Variants in SLC14A2 observed in about 807,000 individuals in gnomAD.
SLC14A2 encodes solute carrier family 14 member 2.
A neutral mutation model predicts 104.6 loss-of-function variants in SLC14A2; 91 were observed. The ratio of observed to expected loss-of-function variants is 0.87; its 90% CI spans 0.73 to 1.04. The LOEUF is 1.04. SLC14A2 is among the 50% of genes least tolerant of loss of function. The pLI, the probability that SLC14A2 is intolerant of heterozygous loss-of-function variation, is 0.00. For synonymous variants in SLC14A2, 476 were observed against 466.4 expected (o/e 1.02, Z -0.27); for missense variants, 1,189 against 1,156.0 (o/e 1.03, Z -0.41).
At chr18:45,453,985 G>A (rs767474934) in intron 1 of SLC14A2, among the ~76,000 whole-genome samples, 10 of 150,842 alleles carry the variant, frequency 6.6e-5, no homozygotes, top group Non-Finnish European at 1.3e-4. Context: ...TCAGCCTCCC[G>A]AGTAGCTGGG....
intron 1 of SLC14A2, among the ~76,000 whole-genome samples, chr18:45,338,278 G>A (rs1415718798): frequency 6.6e-6 from 1 of 152,032 alleles, no homozygotes; most frequent in East Asian, 1.9e-4. Flanking sequence ...TTGGCTCACT[G>A]CAAGCTCCGC....
intron 14 of SLC14A2, 107 bp downstream of exon 14, chr18:45,668,129 CAACT>C: frequency 8.3e-7 from 1 of 1,211,116 alleles, no homozygotes; most frequent in Non-Finnish European, 1.2e-6. Flanking sequence ...AGGACACTGA[CAACT>C]AAAAATGACT....
At chr18:45,462,704 C>T (rs1439167755) in intron 1 of SLC14A2, among the ~76,000 whole-genome samples, 6 of 152,140 alleles carry the variant, frequency 3.9e-5, no homozygotes, top group South Asian at 4.1e-4. Flanking sequence ...TGGAAACAGG[C>T]GGCTTGACAC....
intron 1 of SLC14A2, among the ~76,000 whole-genome samples, chr18:45,250,460 T>C (rs2084409747): frequency 6.6e-6 from 1 of 152,178 alleles, no homozygotes; most frequent in South Asian, 2.1e-4. Context: ...TTTGTTCTCT[T>C]TTTTCTCTCC....
chr18:45,177,486 C>T, the SLC14A2 span, among the ~76,000 whole-genome samples: 5 of 152,138 alleles, frequency 3.3e-5, no homozygotes, highest in South Asian at 4.1e-4. Flanking sequence ...TTTTATACAT[C>T]GTGTTCCAGC....
At chr18:45,677,010 C>T (rs1291486116) in intron 18 of SLC14A2, among the ~76,000 whole-genome samples, 1 of 152,192 alleles carries the variant, frequency 6.6e-6, no homozygotes, top group Non-Finnish European at 1.5e-5. Context: ...GGCCAGGTGG[C>T]CAGGCATCCT....
chr18:45,562,311 G>C (rs2044211387), intron 2 of SLC14A2, among the ~76,000 whole-genome samples: 1 of 152,250 alleles, frequency 6.6e-6, no homozygotes, highest in Non-Finnish European at 1.5e-5. Flanking sequence ...CAGTTGACCT[G>C]ATAGAGAAGA....
At chr18:45,644,978 C>G (rs1472865671) in intron 10 of SLC14A2, among the ~76,000 whole-genome samples, 1 of 152,142 alleles carries the variant, frequency 6.6e-6, no homozygotes, top group East Asian at 1.9e-4. Context: ...TTAAGCCCCA[C>G]GTGCATTAGG....
intron 8 of SLC14A2, 47 bp from the exon 9 acceptor site, chr18:45,643,085 G>C (rs753179660): frequency 6.3e-7 from 1 of 1,596,134 alleles, no homozygotes; most frequent in South Asian, 1.1e-5. Flanking sequence ...GTGGCTTAGG[G>C]GGAAGGCCCT....
At chr18:45,169,429 TACTC>T in the SLC14A2 span, among the ~76,000 whole-genome samples, 1 of 152,188 alleles carries the variant, frequency 6.6e-6, no homozygotes, top group African/African-American at 2.4e-5. Context: ...TGCCAGCTCT[TACTC>T]AGTGCTTTCC....
chr18:45,592,368 T>C (rs1294020876), intron 2 of SLC14A2, among the ~76,000 whole-genome samples: 1 of 152,200 alleles, frequency 6.6e-6, no homozygotes, highest in Non-Finnish European at 1.5e-5. Context: ...GATGTCATTG[T>C]TGCCAATACC....
At chr18:45,249,237 A>G (rs112392068) in intron 1 of SLC14A2, among the ~76,000 whole-genome samples, 213 of 152,012 alleles carry the variant, frequency 1.4e-3, no homozygotes, top group Middle Eastern at 0.01. Flanking sequence ...TGTTTCCTTC[A>G]TTAAAAACTA....
At chr18:45,395,130 C>G (rs544038070) in intron 1 of SLC14A2, among the ~76,000 whole-genome samples, 26 of 152,082 alleles carry the variant, frequency 1.7e-4, no homozygotes, top group Non-Finnish European at 3.5e-4. Flanking sequence ...TGGAAACAAC[C>G]TAAATGTCCA....
intron 1 of SLC14A2, among the ~76,000 whole-genome samples, chr18:45,349,279 G>A (rs948666910): frequency 1.3e-5 from 2 of 152,154 alleles, no homozygotes; most frequent in Non-Finnish European, 2.9e-5. Flanking sequence ...TTACATAATC[G>A]GGAATACATA....
At chr18:45,513,510 C>G (rs1462507690) in intron 2 of SLC14A2, among the ~76,000 whole-genome samples, 1 of 152,182 alleles carries the variant, frequency 6.6e-6, no homozygotes, top group Non-Finnish European at 1.5e-5. Flanking sequence ...TCTTTGGCCA[C>G]AACACCACCT....
At chr18:45,235,865 G>GTA (rs2084224454) in intron 1 of SLC14A2, among the ~76,000 whole-genome samples, 1 of 93,654 alleles carries the variant, frequency 1.1e-5, no homozygotes, top group African/African-American at 4.2e-5. Context: ...ACATATATGT[G>GTA]TGTATATATG....
At chr18:45,233,323 T>C (rs1201410530) in intron 1 of SLC14A2, among the ~76,000 whole-genome samples, 5 of 152,194 alleles carry the variant, frequency 3.3e-5, no homozygotes, top group Admixed American at 3.3e-4. Flanking sequence ...AAATGTATTG[T>C]TGAAATGTTA....
At chr18:45,307,730 A>C (rs1013967661) in intron 1 of SLC14A2, among the ~76,000 whole-genome samples, 1 of 152,216 alleles carries the variant, frequency 6.6e-6, no homozygotes, top group African/African-American at 2.4e-5. Context: ...AGATGAAAGC[A>C]ATTGTTGAAA....
chr18:45,400,595 G>A (rs1398752869), intron 1 of SLC14A2, among the ~76,000 whole-genome samples: 4 of 152,102 alleles, frequency 2.6e-5, no homozygotes, highest in African/African-American at 7.2e-5. Flanking sequence ...GAGATACTTT[G>A]AGATCTCTTC....
Sources: gnomAD v4.1 joint callset for allele counts (sites outside exome capture counted in the v4.1 genomes callset) on GRCh38, gnomAD v4.1.1 for gene constraint, MANE v1.5 for transcripts, NCBI Gene and HGNC (gene_info 2026-07-23, HGNC 2026-07-21) for gene names.